SNTG2: variants seen among roughly 807,000 people sequenced by gnomAD.
The protein encoded by SNTG2 is gamma-2-syntrophin.
Under a neutral mutation model 70.9 loss-of-function variants are expected in SNTG2, and 74 were observed. The observed-to-expected ratio is 1.04, with a 90% CI of 0.86 to 1.27. The LOEUF is 1.27. Ranked by LOEUF, SNTG2 falls within the 50% of genes most tolerant of loss-of-function variation. The pLI, the probability that SNTG2 is intolerant of heterozygous loss-of-function variation, is 0.00. For synonymous variants in SNTG2, 278 were observed against 273.8 expected, an observed-to-expected ratio of 1.02 and a Z score of -0.15; for missense variants, 717 against 690.7, an observed-to-expected ratio of 1.04 and a Z score of -0.43.
chr2:975,866 C>G (rs995671508), intron 1 of SNTG2, among the ~76,000 whole-genome samples: 2 of 152,202 alleles, frequency 1.3e-5, no homozygotes, highest in African/African-American at 4.8e-5. Flanking sequence ...CTTTACCAGA[C>G]AGTAACCTTT....
At chr2:1,283,055 A>G (rs1020747739) in intron 14 of SNTG2, among the ~76,000 whole-genome samples, 2 of 152,140 alleles carry the variant, frequency 1.3e-5, no homozygotes, top group African/African-American at 2.4e-5. Flanking sequence ...TCAGTCTTCC[A>G]TGCACCGCCC....
At chr2:1,273,449 T>C (rs941708995) in intron 14 of SNTG2, among the ~76,000 whole-genome samples, 1 of 152,148 alleles carries the variant, frequency 6.6e-6, no homozygotes, top group African/African-American at 2.4e-5. Context: ...GGCTCTGTGA[T>C]TCATTAATGC....
At chr2:1,340,904 CA>C (rs1419416769) in intron 16 of SNTG2, 1 of 152,090 alleles carries the variant, frequency 6.6e-6, no homozygotes, top group Non-Finnish European at 1.5e-5. Flanking sequence ...ACACCTGGCT[CA>C]AAGAAAGAAA....
At chr2:1,272,730 G>A (rs1309361059) in intron 14 of SNTG2, among the ~76,000 whole-genome samples, 3 of 121,114 alleles carry the variant, frequency 2.5e-5, no homozygotes, top group Non-Finnish European at 5.2e-5. Context: ...CAGGGAGCGG[G>A]TGCAGAAAGG....
chr2:1,255,427 T>C (rs1414769384), intron 12 of SNTG2, among the ~76,000 whole-genome samples: 3 of 152,150 alleles, frequency 2.0e-5, no homozygotes, highest in African/African-American at 7.2e-5. Flanking sequence ...GGCTGTGATA[T>C]GGCAGGTCTG....
intron 2 of SNTG2, among the ~76,000 whole-genome samples, chr2:1,093,313 A>T (rs1665158897): frequency 6.6e-6 from 1 of 152,170 alleles, no homozygotes; most frequent in African/African-American, 2.4e-5. Flanking sequence ...GATATCAGCT[A>T]ACAGAGCACT....
chr2:1,074,929 C>T (rs1396315241), intron 1 of SNTG2, among the ~76,000 whole-genome samples: 1 of 152,178 alleles, frequency 6.6e-6, no homozygotes, highest in East Asian at 1.9e-4. Context: ...ATCAGTTTTA[C>T]GTGTGTAATC....
chr2:951,122 C>G, intron 1 of SNTG2, 54 bp downstream of exon 1: 1 of 842,376 alleles, frequency 1.2e-6, no homozygotes, highest in Middle Eastern at 4.1e-4. Flanking sequence ...CCCTCTCCTT[C>G]GCGCCCTTCT....
rs117618023 is a variant in SNTG2, at chr2:976,390, T to C, written c.72+25322T>C. ...ATGAGCTTGAGTGGTTCTCTATGTG[T>C]ACATTGTCTTTGGAATGATTGAGAG... On this transcript the variant is annotated intron_variant, in intron 1 of 16. Transcript: ENST00000308624. 4.7e-3 allele frequency among the ~76,000 whole-genome samples: 711 copies of C among 152,316 alleles called. 18 individuals are homozygous for C. The East Asian group carries it at 0.049, about 10-fold the overall frequency.
At chr2:1,229,429 C>T (rs747934288) in intron 9 of SNTG2, among the ~76,000 whole-genome samples, 8 of 152,178 alleles carry the variant, frequency 5.3e-5, no homozygotes, top group Non-Finnish European at 8.8e-5. Context: ...GGCGTGTTTA[C>T]AAACCTTGAG....
chr2:1,268,363 CTG>C (rs1017131321), intron 14 of SNTG2, among the ~76,000 whole-genome samples: 4 of 152,148 alleles, frequency 2.6e-5, no homozygotes, highest in Non-Finnish European at 5.9e-5. Flanking sequence ...TGAAACTATT[CTG>C]TGTTATTTAT....
chr2:1,088,021 T>G (rs949523968), intron 2 of SNTG2, among the ~76,000 whole-genome samples: 5 of 152,246 alleles, frequency 3.3e-5, no homozygotes, highest in African/African-American at 9.6e-5. Flanking sequence ...AAGTTGCTTC[T>G]TATTCTTTGG....
intron 1 of SNTG2, among the ~76,000 whole-genome samples, chr2:1,071,879 A>T (rs553022330): frequency 6.6e-6 from 1 of 152,340 alleles, no homozygotes; most frequent in African/African-American, 2.4e-5. Flanking sequence ...AGGATAGATC[A>T]AACCAGCCAC....
chr2:1,245,856 T>C (rs1194133702), intron 11 of SNTG2, among the ~76,000 whole-genome samples: 1 of 152,212 alleles, frequency 6.6e-6, no homozygotes, highest in Non-Finnish European at 1.5e-5. Context: ...GAGGGATTCC[T>C]ATGGGACACT....
chr2:1,205,957 A>G (rs1369752895), intron 8 of SNTG2, among the ~76,000 whole-genome samples: 1 of 152,134 alleles, frequency 6.6e-6, no homozygotes, highest in African/African-American at 2.4e-5. Flanking sequence ...ACAGAGGAAA[A>G]CATGTTCTGT....
chr2:1,248,004 A>G lies in SNTG2; in HGVS notation c.1005+561A>G, dbSNP rs149089724. Among the ~76,000 whole-genome samples the G allele has an allele frequency of 2.2e-3, 331 of 152,272 alleles. 5 individuals are homozygous for G. Among genetic ancestry groups the G allele is most frequent in the African/African-American group, 7.3e-3 (303 of 41,560 alleles). ...AATGTGTAATGTCTAGAAGTTTATC[A>G]ATTTAAACAGCTTTACTTTTGAGAG... On this transcript the variant is annotated intron_variant, in intron 12 of 16. Coordinates refer to ENST00000308624, the MANE Select transcript of SNTG2 (RefSeq NM_018968.4).
chr2:1,098,369 A>G lies in SNTG2; in HGVS notation c.284A>G (p.Asn95Ser), dbSNP rs777899494. 2 of 1,614,030 alleles carry G rather than the reference A, an allele frequency of 1.2e-6. No individual in the cohort carries two copies. Among genetic ancestry groups the G allele is most frequent in the Admixed American group, 1.7e-5 (1 of 60,028 alleles). Reference sequence around the variant, plus strand: ...GTCTTTCAGGGAGGTTCTGAGCACAACGTCCCTGTCGTCATATCAAAAATA... The same window carrying G: ...GTCTTTCAGGGAGGTTCTGAGCACAGCGTCCCTGTCGTCATATCAAAAATA... ...GLSIKGGSEH[N>S]VPVVISKIFE... Residue 95 changes from asparagine (N) to serine (S), a missense_variant, in exon 4 of 17, where the codon AAC becomes AGC. Physicochemically the swap from Asn to Ser is conservative, Grantham distance 46 (BLOSUM62 1). Transcript: ENST00000308624.
At chr2:1,182,631 A>T (rs112617421) in intron 8 of SNTG2, among the ~76,000 whole-genome samples, 1 of 152,354 alleles carries the variant, frequency 6.6e-6, no homozygotes, top group South Asian at 2.1e-4. Flanking sequence ...TTGATGTACA[A>T]GGTGCCTGCA....
chr2:1,209,990 C>T (rs28705972), intron 9 of SNTG2, among the ~76,000 whole-genome samples: 26,688 of 151,854 alleles, frequency 0.18, 4,572 homozygotes, highest in African/African-American at 0.45. Context: ...GTGGTGTGTG[C>T]GGTCTGTATG....
Sources: gnomAD v4.1 joint callset for allele counts (sites outside exome capture counted in the v4.1 genomes callset) on GRCh38, gnomAD v4.1.1 for gene constraint, MANE v1.5 for transcripts, NCBI Gene and HGNC (gene_info 2026-07-23, HGNC 2026-07-21) for gene names.